Variants in HADHA observed in about 807,000 individuals in gnomAD.
HADHA encodes hydroxyacyl-CoA dehydrogenase trifunctional multienzyme complex subunit alpha.
A neutral mutation model predicts 91.3 loss-of-function variants in HADHA; 59 were observed. The ratio of observed to expected loss-of-function variants is 0.65; its 90% CI spans 0.52 to 0.80. The LOEUF is 0.80. HADHA is among the 30% of genes least tolerant of loss of function. The pLI, the probability that HADHA is intolerant of heterozygous loss-of-function variation, is 0.00. For missense variants in HADHA, 800 were observed against 927.6 expected (o/e 0.86, Z 1.79); for synonymous variants, 320 against 338.9 (o/e 0.94, Z 0.61).
At chr2:26,238,897 C>A in intron 3 of HADHA, 37 bp downstream of exon 3, 2 of 1,226,522 alleles carry the variant, frequency 1.6e-6, no homozygotes, top group Non-Finnish European at 2.4e-6. Context: ...ATTCATAATG[C>A]GGTTAGCAGA....
In HADHA at chr2:26,231,470, C is replaced by T. The variant is rs1335914680; in HGVS notation, c.573+690G>A. 2.6e-5 allele frequency among the ~76,000 whole-genome samples: 4 copies of T among 152,152 alleles called. No individual in the cohort carries two copies. The East Asian group carries it at 7.7e-4, about 29-fold the overall frequency. ...GTTCCATACAACACAGCAGTGAGAA[C>T]ATCCAAATCAGACAATGAGGGAAAA... On this transcript the variant is annotated intron_variant, in intron 6 of 19. Transcript: ENST00000380649.
In HADHA at chr2:26,210,838, C is replaced by T. The variant is rs1670083917; in HGVS notation, c.976-949G>A. Reference sequence around the variant, plus strand: ...TCCTTAAAAATGGGAAAAACAATACCCATTTTACAGTATTGTTCTGGGGGA... The same window carrying T: ...TCCTTAAAAATGGGAAAAACAATACTCATTTTACAGTATTGTTCTGGGGGA... On this transcript the variant is annotated intron_variant, in intron 10 of 19. Transcript: ENST00000380649. The surrounding 1 kb of genome is among the most constrained non-coding windows in gnomAD (Gnocchi z 4.0). The T allele has an allele frequency of 6.6e-6, 1 of 152,048 alleles. No homozygotes were observed. The highest frequency in any genetic ancestry group is 2.4e-5 in the African/African-American group (1 of 41,380). The allele number at this position is 152,048 out of a possible 1,614,324, so 9.4% of individuals were successfully genotyped here.
intron 1 of HADHA, among the ~76,000 whole-genome samples, chr2:26,244,123 G>T (rs1021384419): frequency 2.6e-5 from 4 of 152,248 alleles, no homozygotes; most frequent in African/African-American, 9.6e-5. Flanking sequence ...GCGGGGTAAG[G>T]TGCTGTTTTT....
At position 26,191,645 on chromosome 2, in the gene HADHA, A is replaced by G; in HGVS notation, c.2001-17T>C. ...TCTGATGAGCTGCCAACAGAAAGAG[A>G]TGTTTAGGTAGAAGAAGAGGAAAAG... On this transcript the variant is annotated splice_polypyrimidine_tract_variant and intron_variant, in intron 18 of 19. Transcript: ENST00000380649. 6.2e-7 allele frequency: 1 copy of G among 1,613,594 alleles called. No homozygotes were observed. The highest frequency in any genetic ancestry group is 1.1e-5 in the South Asian group (1 of 91,062).
chr2:26,225,722 A>G (rs936521183), intron 7 of HADHA, among the ~76,000 whole-genome samples: 1 of 152,216 alleles, frequency 6.6e-6, no homozygotes, highest in Non-Finnish European at 1.5e-5. Context: ...TAAAGAGCAC[A>G]TATGAAAAAC....
At chr2:26,224,534 T>C (rs540181436) in intron 7 of HADHA, among the ~76,000 whole-genome samples, 4 of 152,352 alleles carry the variant, frequency 2.6e-5, no homozygotes, top group Non-Finnish European at 5.9e-5. Flanking sequence ...GATGTATCCA[T>C]AATGGTTAAC....
intron 7 of HADHA, among the ~76,000 whole-genome samples, chr2:26,222,611 A>G (rs1670399705): frequency 6.6e-6 from 1 of 152,164 alleles, no homozygotes; most frequent in African/African-American, 2.4e-5. Flanking sequence ...GAGGTTATGC[A>G]TGGGCTTAGG....
chr2:26,213,236 G>A (rs1313089377), intron 9 of HADHA, among the ~76,000 whole-genome samples: 9 of 152,164 alleles, frequency 5.9e-5, no homozygotes. Context: ...TGGCAAGCCT[G>A]TTGCTGCTTT....
chr2:26,194,260 G>T (rs778018542), intron 16 of HADHA, among the ~76,000 whole-genome samples: 44 of 152,296 alleles, frequency 2.9e-4, no homozygotes, highest in Non-Finnish European at 5.9e-4. Flanking sequence ...AACCAAGCGG[G>T]CCCTGTTCTG....
At chr2:26,201,840 G>A (rs1396243188) in intron 12 of HADHA, among the ~76,000 whole-genome samples, 1 of 151,818 alleles carries the variant, frequency 6.6e-6, no homozygotes, top group African/African-American at 2.4e-5. Context: ...TGTTGCCCAG[G>A]CTGGAGTGCA....
chr2:26,201,136 G>C lies in HADHA; in HGVS notation c.1392+13C>G, dbSNP rs1364236850. The C allele has an allele frequency of 6.3e-7, 1 of 1,596,508 alleles. No individual in the cohort carries two copies. The highest frequency in any genetic ancestry group is 2.2e-5 in the East Asian group (1 of 44,796). ...ACTACACTAGGATTCAAGTACAACAGCCCCTTGCTTACCGCTTCTACTTCC... is the reference window on the plus strand; with the variant it reads ...ACTACACTAGGATTCAAGTACAACACCCCCTTGCTTACCGCTTCTACTTCC... On this transcript the variant is annotated intron_variant, in intron 13 of 19. Transcript: ENST00000380649.
intron 3 of HADHA, among the ~76,000 whole-genome samples, chr2:26,237,927 TCTTA>T (rs142357935): frequency 0.018 from 2,673 of 152,268 alleles, 88 homozygotes; most frequent in African/African-American, 0.061. Flanking sequence ...GGGGAATGGC[TCTTA>T]TTTACCTTAA....
At chr2:26,212,259 G>A (rs1670119305) in intron 10 of HADHA, 1 of 371,588 alleles carries the variant, frequency 2.7e-6, no homozygotes, top group Admixed American at 3.8e-5. Context: ...GCTAACTTTT[G>A]TAGTTTTTGT....
chr2:26,207,218 T>C (rs938331075), intron 11 of HADHA, among the ~76,000 whole-genome samples: 1 of 152,020 alleles, frequency 6.6e-6, no homozygotes, highest in African/African-American at 2.4e-5. Context: ...AACCCACCCC[T>C]TTCCCCTAAC....
chr2:26,241,059 A>G (rs1313770251), intron 1 of HADHA, among the ~76,000 whole-genome samples: 1 of 152,232 alleles, frequency 6.6e-6, no homozygotes, highest in Admixed American at 6.5e-5. Context: ...AGCTTACCCT[A>G]TGGCAGCTGA....
At chr2:26,208,110 G>A (rs907524901) in intron 11 of HADHA, among the ~76,000 whole-genome samples, 4 of 152,002 alleles carry the variant, frequency 2.6e-5, no homozygotes, top group Admixed American at 2.0e-4. Flanking sequence ...CTGTTTTTCT[G>A]CCCATTTAGT....
rs1669482545 is a variant in HADHA at position 26,191,116 on chromosome 2, T to G, written c.*134A>C. On this transcript the variant is annotated 3_prime_UTR_variant, in exon 20 of 20. Transcript: ENST00000380649. The stretch of plus-strand genomic sequence containing the variant: ...AGAGATGGTCTTGGCTGAAGGCACT[T>G]TAATCAGGGAGCAAACCCAGTGCCG... 1.1e-5 allele frequency: 10 copies of G among 876,144 alleles called. No homozygotes were observed. The highest frequency in any genetic ancestry group is 3.3e-4 in the Middle Eastern group (1 of 3,074). The allele number at this position is 876,144 out of a possible 1,614,324, so 54.3% of individuals were successfully genotyped here. A position where few individuals can be genotyped will look rare whatever the true frequency, so the allele number is the denominator to read the frequency against.
intron 4 of HADHA, chr2:26,235,296 GAGACTCCGT>G (rs1670722046): frequency 1.3e-5 from 2 of 152,200 alleles, no homozygotes; most frequent in Non-Finnish European, 2.9e-5. Context: ...ACAGCAGAGG[GAGACTCCGT>G]CTCAAAAATA....
At chr2:26,226,999 AAAGAT>A in intron 7 of HADHA, among the ~76,000 whole-genome samples, 2 of 152,322 alleles carry the variant, frequency 1.3e-5, no homozygotes, top group Non-Finnish European at 2.9e-5. Context: ...TATATAGTGA[AAAGAT>A]AAGCCAGAGA....
Sources: gnomAD v4.1 joint callset for allele counts (sites outside exome capture counted in the v4.1 genomes callset) on GRCh38, gnomAD v4.1.1 for gene constraint, Gnocchi (gnomAD v3.1) non-coding constraint, MANE v1.5 for transcripts, NCBI Gene and HGNC (gene_info 2026-07-23, HGNC 2026-07-21) for gene names.